FRAS1: variants seen among roughly 807,000 people sequenced by gnomAD.
FRAS1 encodes Fraser extracellular matrix complex subunit 1.
FRAS1 carries 290 observed loss-of-function variants against 435.2 expected under a neutral mutation model. The observed-to-expected ratio is 0.67, with a 90% CI of 0.61 to 0.73. The LOEUF (loss-of-function observed/expected upper bound fraction) is 0.73. Ranked by LOEUF, FRAS1 falls within the 30% of genes least tolerant of loss-of-function variation. The pLI, the probability that FRAS1 is intolerant of heterozygous loss-of-function variation, is 0.00. For synonymous variants in FRAS1, 1,800 were observed against 1,851.0 expected (o/e 0.97, Z 0.71); for missense variants, 4,860 against 5,001.5 (o/e 0.97, Z 0.85).
At chr4:78,498,195 G>C (rs1720562274) in intron 60 of FRAS1, among the ~76,000 whole-genome samples, 1 of 152,168 alleles carries the variant, frequency 6.6e-6, no homozygotes, top group Admixed American at 6.5e-5. Context: ...TTCTGCACAT[G>C]TATCCCAGAA....
At chr4:78,163,285 C>T (rs1412513161) in intron 2 of FRAS1, among the ~76,000 whole-genome samples, 1 of 152,106 alleles carries the variant, frequency 6.6e-6, no homozygotes, top group Non-Finnish European at 1.5e-5. Flanking sequence ...ATATACAACT[C>T]CACTTAATTT....
In FRAS1 at chr4:78,540,516, T is replaced by G; in HGVS notation, c.11446-15T>G. 6.8e-7 allele frequency: 1 copy of G among 1,476,968 alleles called. No homozygotes were observed. The highest frequency in any genetic ancestry group is 9.0e-7 in the Non-Finnish European group (1 of 1,108,106). The allele number at this position is 1,476,968 out of a possible 1,614,324, so 91.5% of individuals were successfully genotyped here. A position where few individuals can be genotyped will look rare whatever the true frequency, so the allele number is the denominator to read the frequency against. On this transcript the variant is annotated splice_polypyrimidine_tract_variant and intron_variant, in intron 73 of 73. Coordinates refer to ENST00000512123, the MANE Select transcript of FRAS1 (RefSeq NM_025074.7). ...CTGTGGGCAACAACAACATGTTCGG[T>G]TTGTCCCCCTGCAGGTGGAAGCAGG...
intron 2 of FRAS1, among the ~76,000 whole-genome samples, chr4:78,096,065 A>G (rs191096962): frequency 8.6e-4 from 131 of 152,334 alleles, no homozygotes; most frequent in African/African-American, 3.1e-3. Context: ...CCTAGATACA[A>G]TGGAGTTACA....
At chr4:78,450,059 G>A in intron 44 of FRAS1, 92 bp from the exon 45 acceptor site, 2 of 912,608 alleles carry the variant, frequency 2.2e-6, no homozygotes, top group South Asian at 3.5e-5. Flanking sequence ...ATGAATATGT[G>A]ATAATTTAGC....
chr4:78,268,484 A>G (rs1726486584), intron 9 of FRAS1, among the ~76,000 whole-genome samples: 1 of 152,254 alleles, frequency 6.6e-6, no homozygotes, highest in Non-Finnish European at 1.5e-5. Flanking sequence ...AGATGAGAAG[A>G]AAACCTAATC....
At chr4:78,295,230 G>A (rs1255471272) in intron 14 of FRAS1, among the ~76,000 whole-genome samples, 1 of 151,976 alleles carries the variant, frequency 6.6e-6, no homozygotes, top group African/African-American at 2.4e-5. Context: ...AGAAATTGTG[G>A]TAAATATTTT....
chr4:78,333,707 T>A (rs1373261538), intron 19 of FRAS1, among the ~76,000 whole-genome samples: 2 of 152,196 alleles, frequency 1.3e-5, no homozygotes, highest in Middle Eastern at 3.2e-3. Context: ...TCTGAATAAA[T>A]AAATCCTGTC....
chr4:78,447,974 G>GA, intron 43 of FRAS1, 79 bp from the exon 44 acceptor site: 1 of 1,348,514 alleles, frequency 7.4e-7, no homozygotes, highest in Non-Finnish European at 1.0e-6. Context: ...ATACTACTTG[G>GA]AAAAATCAGA....
intron 18 of FRAS1, among the ~76,000 whole-genome samples, chr4:78,325,467 G>A (rs1315339524): frequency 2.0e-5 from 3 of 152,198 alleles, no homozygotes; most frequent in Non-Finnish European, 4.4e-5. Context: ...TATGAAGTTG[G>A]AATTCTCTTG....
At chr4:78,338,221 AT>A (rs913418333) in intron 20 of FRAS1, among the ~76,000 whole-genome samples, 1 of 152,100 alleles carries the variant, frequency 6.6e-6, no homozygotes, top group Non-Finnish European at 1.5e-5. Context: ...CAGACACAAA[AT>A]TTTAGAGAGA....
rs1023205986 is a variant in FRAS1 at position 78,530,660 on chromosome 4, G to A, written c.10926-3789G>A. Among the ~76,000 whole-genome samples the A allele has an allele frequency of 7.2e-5, 11 of 152,060 alleles. No homozygotes were observed. In the East Asian group the frequency reaches 1.5e-3, roughly 21 times the overall value. Reference sequence around the variant, plus strand: ...GATCAGATGGTTGTAGATGTGTGGCGTGATTACTGAGGCCTCTGTTCTGTT... The same window carrying A: ...GATCAGATGGTTGTAGATGTGTGGCATGATTACTGAGGCCTCTGTTCTGTT... On this transcript the variant is annotated intron_variant, in intron 70 of 73. Coordinates refer to ENST00000512123, the MANE Select transcript of FRAS1 (RefSeq NM_025074.7).
intron 2 of FRAS1, chr4:78,181,947 C>T (rs1424009719): frequency 1.2e-6 from 2 of 1,608,088 alleles, no homozygotes; most frequent in African/African-American, 2.7e-5. Context: ...TTGTTCTCCG[C>T]TGCCTTCAGC....
rs143953357 is a variant in FRAS1 at position 78,167,634 on chromosome 4, A to G, written c.109-69876A>G. ...CTCTTTTAATTATTACAAAAGCCACATTTTTAAGGCACTGTTTCCCCATTT... is the reference window on the plus strand; with the variant it reads ...CTCTTTTAATTATTACAAAAGCCACGTTTTTAAGGCACTGTTTCCCCATTT... On this transcript the variant is annotated intron_variant, in intron 2 of 73. Transcript: ENST00000512123. Among the ~76,000 whole-genome samples the G allele has an allele frequency of 2.6e-5, 4 of 152,130 alleles. No individual in the cohort carries two copies. The East Asian group carries it at 7.7e-4, about 29-fold the overall frequency.
At chr4:78,221,125 G>A (rs535212703) in intron 2 of FRAS1, among the ~76,000 whole-genome samples, 135 of 152,234 alleles carry the variant, frequency 8.9e-4, no homozygotes, top group South Asian at 1.9e-3. Context: ...CTGAGATCAC[G>A]CCACTGCACT....
intron 69 of FRAS1, among the ~76,000 whole-genome samples, chr4:78,523,063 G>A (rs976789133): frequency 6.6e-6 from 1 of 152,022 alleles, no homozygotes; most frequent in Non-Finnish European, 1.5e-5. Flanking sequence ...TCCAGCCTGG[G>A]CAACAGAAAG....
intron 6 of FRAS1, among the ~76,000 whole-genome samples, chr4:78,257,796 T>G (rs1172274368): frequency 6.6e-6 from 1 of 152,188 alleles, no homozygotes; most frequent in African/African-American, 2.4e-5. Flanking sequence ...GAGAAATTCC[T>G]TGTGTTCATA....
chr4:78,108,912 G>T (rs1742538327), intron 2 of FRAS1, among the ~76,000 whole-genome samples: 3 of 116,552 alleles, frequency 2.6e-5, no homozygotes, highest in East Asian at 4.4e-4. Context: ...AATGATAAAG[G>T]GGATATCACC....
At chr4:78,434,249 CA>C (rs1273591050) in intron 38 of FRAS1, among the ~76,000 whole-genome samples, 4 of 152,136 alleles carry the variant, frequency 2.6e-5, no homozygotes, top group Admixed American at 6.5e-5. Flanking sequence ...TTGGAGGAGA[CA>C]AAAAGGCAAA....
intron 9 of FRAS1, among the ~76,000 whole-genome samples, chr4:78,272,878 C>A (rs1005553953): frequency 6.6e-6 from 1 of 152,122 alleles, no homozygotes. Context: ...ATGGGGCTGG[C>A]ATTGAATCTA....
Sources: allele counts gnomAD v4.1 joint callset (sites outside exome capture counted in the v4.1 genomes callset), GRCh38; gene constraint gnomAD v4.1.1; transcripts MANE v1.5; gene names NCBI Gene and HGNC (gene_info 2026-07-23, HGNC 2026-07-21).